EPB41L4B: variants seen among roughly 807,000 people sequenced by gnomAD.
EPB41L4B encodes erythrocyte membrane protein band 4.1 like 4B, also known as band 4.1-like protein 4B.
In EPB41L4B, 30 loss-of-function variants were observed where a neutral mutation model predicts 112.5. The ratio of observed to expected loss-of-function variants is 0.27; its 90% CI spans 0.20 to 0.36. EPB41L4B has a LOEUF of 0.36. Ranked by LOEUF, EPB41L4B falls within the 10% of genes least tolerant of loss-of-function variation. The pLI is 1.00. For missense variants in EPB41L4B, 1,024 were observed against 1,133.3 expected (o/e 0.90, Z 1.38); for synonymous variants, 408 against 439.7 (o/e 0.93, Z 0.90).
chr9:109,278,273 G>C (rs1564314658), intron 2 of EPB41L4B, among the ~76,000 whole-genome samples: 1 of 152,114 alleles, frequency 6.6e-6, no homozygotes, highest in Non-Finnish European at 1.5e-5. Flanking sequence ...GACACAGTTT[G>C]GGGGTGGGGT....
rs534209280 is a variant in EPB41L4B at position 109,225,671 on chromosome 9, G to A, written c.1410-8526C>T. ...GCGAGGACACAGCCAAACCATATCA[G>A]CCTTCAAGGAGCTCACTGCTACCTT... is the stretch of plus-strand genomic sequence containing the variant. On this transcript the variant is annotated intron_variant, in intron 15 of 25. Transcript: ENST00000374566. Among the ~76,000 whole-genome samples the A allele has an allele frequency of 5.9e-5, 9 of 152,310 alleles. No homozygotes were observed. The East Asian group carries it at 1.7e-3, about 29-fold the overall frequency.
At chr9:109,258,554 T>C (rs907833493) in intron 6 of EPB41L4B, among the ~76,000 whole-genome samples, 1 of 152,188 alleles carries the variant, frequency 6.6e-6, no homozygotes, top group Non-Finnish European at 1.5e-5. Context: ...TCCACTGTTG[T>C]TCCCACCCAG....
At chr9:109,268,910 A>AAAAC (rs1476831735) in intron 2 of EPB41L4B, among the ~76,000 whole-genome samples, 7 of 151,622 alleles carry the variant, frequency 4.6e-5, no homozygotes, top group Non-Finnish European at 7.4e-5. Flanking sequence ...AAAAAAAAAA[A>AAAAC]AAAAAATTCA....
chr9:109,311,491 C>G (rs759139665), intron 1 of EPB41L4B, among the ~76,000 whole-genome samples: 1 of 152,144 alleles, frequency 6.6e-6, no homozygotes, highest in African/African-American at 2.4e-5. Flanking sequence ...CAAAGAAGCA[C>G]CGGATGATCC....
chr9:109,311,693 A>G (rs1452546008), intron 1 of EPB41L4B, among the ~76,000 whole-genome samples: 1 of 152,244 alleles, frequency 6.6e-6, no homozygotes, highest in Admixed American at 6.5e-5. Context: ...ATTTTACTGC[A>G]TGAAATTCTG....
At chr9:109,193,684 C>G (rs1277971233) in intron 21 of EPB41L4B, among the ~76,000 whole-genome samples, 1 of 152,230 alleles carries the variant, frequency 6.6e-6, no homozygotes, top group Non-Finnish European at 1.5e-5. Flanking sequence ...AGCTAGAGGT[C>G]TCTCAAAGAA....
intron 1 of EPB41L4B, among the ~76,000 whole-genome samples, chr9:109,312,187 A>G (rs769453341): frequency 3.9e-4 from 59 of 152,386 alleles, no homozygotes; most frequent in Admixed American, 7.2e-4. Context: ...CCACGCTTAT[A>G]AACATGTATA....
At chr9:109,223,981 T>G (rs1833679102) in intron 15 of EPB41L4B, among the ~76,000 whole-genome samples, 1 of 151,976 alleles carries the variant, frequency 6.6e-6, no homozygotes, top group Non-Finnish European at 1.5e-5. Context: ...ATTGTGCCAC[T>G]GCACTCCAGC....
rs199958456 is a variant in EPB41L4B at position 109,174,609 on chromosome 9, C to T, written c.2648G>A (p.Arg883Gln). ...VSLAASAETL[R>Q]QELEREKMMK... Reference sequence around the variant, plus strand: ...CATCTTCTCTCTCTCCAGTTCCTGCCGGAGTGTCTCTGCACTAAAAAAAAG... The same window carrying T: ...CATCTTCTCTCTCTCCAGTTCCTGCTGGAGTGTCTCTGCACTAAAAAAAAG... Residue 883 changes from arginine to glutamine, a missense_variant, in exon 26 of 26, where the codon CGG becomes CAG. Coordinates refer to ENST00000374566, the MANE Select transcript of EPB41L4B (RefSeq NM_019114.5). 149 of 1,613,978 alleles carry T rather than the reference C, an allele frequency of 9.2e-5. 1 individual carries two copies. The South Asian group carries it at 1.2e-3, about 13-fold the overall frequency.
intron 1 of EPB41L4B, among the ~76,000 whole-genome samples, chr9:109,289,400 T>C (rs1295182159): frequency 1.3e-5 from 2 of 152,208 alleles, no homozygotes; most frequent in African/African-American, 4.8e-5. Flanking sequence ...AGGGCCAATT[T>C]CAAGTAACAC....
chr9:109,244,504 G>A (rs1052304974), intron 14 of EPB41L4B, among the ~76,000 whole-genome samples: 50 of 126,230 alleles, frequency 4.0e-4, no homozygotes, highest in Middle Eastern at 0.01. Context: ...GGAGTGCAAT[G>A]GCAGTATCTT....
At position 109,176,787 on chromosome 9, in the gene EPB41L4B, C is replaced by G. The variant is rs1831860032; in HGVS notation, c.2488-91G>C. The G allele has an allele frequency of 2.1e-6, 3 of 1,434,558 alleles. No homozygotes were observed. In the South Asian group the frequency reaches 3.8e-5, roughly 18 times the overall value. The allele number at this position is 1,434,558 out of a possible 1,614,324, so 88.9% of individuals were successfully genotyped here. A position where few individuals can be genotyped will look rare whatever the true frequency, so the allele number is the denominator to read the frequency against. On this transcript the variant is annotated intron_variant, in intron 24 of 25. Coordinates refer to ENST00000374566, the MANE Select transcript of EPB41L4B (RefSeq NM_019114.5). Reference sequence around the variant, plus strand: ...CTCCCTAAGCCTTACTCTACAGTTCCTGTTCCTTTTCACTACCAGCTAAAA... The same window carrying G: ...CTCCCTAAGCCTTACTCTACAGTTCGTGTTCCTTTTCACTACCAGCTAAAA...
intron 2 of EPB41L4B, among the ~76,000 whole-genome samples, chr9:109,272,406 G>A (rs1037362134): frequency 6.6e-6 from 1 of 152,192 alleles, no homozygotes; most frequent in Non-Finnish European, 1.5e-5. Context: ...AAGCTGCAAT[G>A]AGCTACGATC....
At chr9:109,274,321 C>T (rs1275100792) in intron 2 of EPB41L4B, among the ~76,000 whole-genome samples, 2 of 152,106 alleles carry the variant, frequency 1.3e-5, no homozygotes, top group African/African-American at 2.4e-5. Flanking sequence ...ACTACCACTG[C>T]CCCAAATCCC....
At chr9:109,199,341 C>T (rs1832746260) in intron 20 of EPB41L4B, among the ~76,000 whole-genome samples, 1 of 152,038 alleles carries the variant, frequency 6.6e-6, no homozygotes, top group Non-Finnish European at 1.5e-5. Context: ...GTGGGCTGGA[C>T]ATAGGGATTT....
At chr9:109,253,606 CT>C in intron 11 of EPB41L4B, 56 bp from the exon 12 acceptor site, 1 of 1,179,240 alleles carries the variant, frequency 8.5e-7, no homozygotes, top group Non-Finnish European at 1.3e-6. Flanking sequence ...AGTACATTAC[CT>C]GTTTTTGAAA....
intron 2 of EPB41L4B, among the ~76,000 whole-genome samples, chr9:109,272,222 T>C (rs550525325): frequency 1.3e-5 from 2 of 152,264 alleles, no homozygotes; most frequent in African/African-American, 4.8e-5. Context: ...TTTGAGAGGC[T>C]GAGGCAGAAG....
At chr9:109,213,506 C>T (rs371695405) in intron 17 of EPB41L4B, among the ~76,000 whole-genome samples, 194 bp downstream of exon 17, 21 of 152,184 alleles carry the variant, frequency 1.4e-4, no homozygotes, top group Non-Finnish European at 1.9e-4. Context: ...ACGCCTAATG[C>T]TATAATTCAC....
chr9:109,184,483 TGCTGG>T (rs1832182633), intron 23 of EPB41L4B, among the ~76,000 whole-genome samples: 1 of 152,238 alleles, frequency 6.6e-6, no homozygotes, highest in South Asian at 2.1e-4. Context: ...CCTCCCAAAG[TGCTGG>T]GATTACAGGC....
Sources: allele counts gnomAD v4.1 joint callset (sites outside exome capture counted in the v4.1 genomes callset), GRCh38; gene constraint gnomAD v4.1.1; transcripts MANE v1.5; gene names NCBI Gene and HGNC (gene_info 2026-07-23, HGNC 2026-07-21).